The following CIAO2A variants were observed in gnomAD, a reference collection of about 807,000 sequenced individuals.
CIAO2A encodes cytosolic iron-sulfur assembly component 2A.
A neutral mutation model predicts 22.4 loss-of-function variants in CIAO2A; 17 were observed. That is an observed-to-expected ratio of 0.76 (90% confidence interval 0.52 to 1.14). The LOEUF (loss-of-function observed/expected upper bound fraction) is 1.14. Among genes scored for constraint, CIAO2A ranks in the 50% most tolerant of loss-of-function variants. The pLI, the probability that CIAO2A is intolerant of heterozygous loss-of-function variation, is 0.00. For synonymous variants in CIAO2A, 74 were observed against 72.3 expected (o/e 1.02, Z -0.12); for missense variants, 192 against 191.4 (o/e 1.00, Z -0.02).
At chr15:64,083,184 A>G (rs898609306) in intron 2 of CIAO2A, among the ~76,000 whole-genome samples, 2 of 151,180 alleles carry the variant, frequency 1.3e-5, no homozygotes, top group African/African-American at 2.4e-5. Flanking sequence ...GTATAAAAAT[A>G]ATTACTATAA....
intron 2 of CIAO2A, 122 bp from the exon 3 acceptor site, chr15:64,081,273 A>T: frequency 1.3e-6 from 1 of 779,668 alleles, no homozygotes; most frequent in Non-Finnish European, 2.1e-6. Flanking sequence ...GCTTTGGCTC[A>T]ATCCAGAGCA....
chr15:64,079,470 A>T (rs116750876), intron 3 of CIAO2A, among the ~76,000 whole-genome samples: 1,897 of 152,234 alleles, frequency 0.012, 48 homozygotes, highest in African/African-American at 0.044. Context: ...AGGCTGCAGT[A>T]AGCAGTGATC....
intron 2 of CIAO2A, among the ~76,000 whole-genome samples, chr15:64,083,678 C>T (rs2080772739): frequency 1.3e-5 from 2 of 152,182 alleles, no homozygotes; most frequent in Non-Finnish European, 2.9e-5. Flanking sequence ...TGTGGCAGCT[C>T]ACACTTGTAA....
At chr15:64,079,440 A>G (rs1392146413) in intron 3 of CIAO2A, among the ~76,000 whole-genome samples, 1 of 152,216 alleles carries the variant, frequency 6.6e-6, no homozygotes, top group African/African-American at 2.4e-5. Context: ...GCTACTTGGG[A>G]GGCTGAGCCT....
intron 1 of CIAO2A, among the ~76,000 whole-genome samples, chr15:64,092,087 A>T (rs909137026): frequency 5.9e-5 from 9 of 151,598 alleles, no homozygotes; most frequent in African/African-American, 2.2e-4. Flanking sequence ...AAAAAAAAAA[A>T]ATTTAAAAGA....
At position 64,081,082 on chromosome 15, in the gene CIAO2A, C is replaced by A. The variant is rs756121607; in HGVS notation, c.339+20G>T. 8.1e-6 allele frequency: 13 copies of A among 1,609,320 alleles called. No homozygotes were observed. Among genetic ancestry groups the A allele is most frequent in the African/African-American group, 8.0e-5 (6 of 74,740 alleles). On this transcript the variant is annotated intron_variant, in intron 3 of 4. Coordinates refer to ENST00000300030, the MANE Select transcript of CIAO2A (RefSeq NM_032231.7). ...AGCTGTTTTACAACAACAACAACAA[C>A]AAAAATACATCTTTCTTACCTTATG...
intron 2 of CIAO2A, among the ~76,000 whole-genome samples, chr15:64,086,019 T>C (rs2080791800): frequency 6.6e-6 from 1 of 151,904 alleles, no homozygotes; most frequent in East Asian, 1.9e-4. Context: ...CATTCTTTCA[T>C]AATAGCTGGT....
At chr15:64,084,925 T>C (rs901393311) in intron 2 of CIAO2A, among the ~76,000 whole-genome samples, 1 of 151,416 alleles carries the variant, frequency 6.6e-6, no homozygotes, top group Admixed American at 6.6e-5. Context: ...AAACCCCGTC[T>C]CTACTAAAAA....
intron 2 of CIAO2A, among the ~76,000 whole-genome samples, chr15:64,082,547 G>A (rs1183127532): frequency 6.6e-6 from 1 of 151,990 alleles, no homozygotes; most frequent in Non-Finnish European, 1.5e-5. Context: ...CTTGAACACA[G>A]TAGTTCTATA....
At chr15:64,085,857 C>T (rs372420441) in intron 2 of CIAO2A, among the ~76,000 whole-genome samples, 36 of 151,844 alleles carry the variant, frequency 2.4e-4, no homozygotes, top group South Asian at 2.1e-3. Flanking sequence ...TACAGGCGCC[C>T]GCCACCACGC....
intron 3 of CIAO2A, among the ~76,000 whole-genome samples, chr15:64,080,302 C>T (rs1247702242): frequency 2.0e-5 from 3 of 152,118 alleles, no homozygotes; most frequent in African/African-American, 2.4e-5. Flanking sequence ...GCACGAGAAT[C>T]GCTTGAACCC....
At chr15:64,081,590 T>G (rs1158790123) in intron 2 of CIAO2A, among the ~76,000 whole-genome samples, 1 of 143,156 alleles carries the variant, frequency 7.0e-6, no homozygotes, top group Non-Finnish European at 1.5e-5. Context: ...CAGGCTGGAG[T>G]GCAGTGGCAT....
Position 64,093,745 on chromosome 15 carries a change from G to A in CIAO2A, c.24C>T (p.Leu8=), listed in dbSNP as rs773735355. The A allele has an allele frequency of 2.5e-6, 4 of 1,612,468 alleles. No individual in the cohort carries two copies. The highest frequency in any genetic ancestry group is 3.3e-5 in the Admixed American group (2 of 59,978). The part of the protein sequence containing the change: MQRVSGL[L]SWTLSRVLWL... ...ACAGGACTCTGCTCAGCGTCCAGGA[G>A]AGCAGCCCGGACACCCGCTGCATCT... The change falls in exon 1 of 5, where the codon CTC becomes CTT. Residue 8 remains leucine (L), a synonymous_variant. Transcript: ENST00000300030.
intron 4 of CIAO2A, chr15:64,074,273 A>G (rs2080699229): frequency 6.6e-6 from 1 of 152,216 alleles, no homozygotes; most frequent in Non-Finnish European, 1.5e-5. Flanking sequence ...AGACACACAA[A>G]CATACACATA....
intron 3 of CIAO2A, among the ~76,000 whole-genome samples, chr15:64,077,080 A>G (rs1351759632): frequency 1.3e-5 from 2 of 152,172 alleles, no homozygotes; most frequent in Non-Finnish European, 2.9e-5. Context: ...TGGGAGGCCG[A>G]GGCAGGCGGA....
intron 3 of CIAO2A, among the ~76,000 whole-genome samples, chr15:64,075,887 T>G (rs2080713861): frequency 6.6e-6 from 1 of 151,966 alleles, no homozygotes; most frequent in Admixed American, 6.6e-5. Flanking sequence ...GGTCTCAAAC[T>G]CCTGACCTCA....
rs1264277587 is a variant in CIAO2A, at chr15:64,088,815, T to C, written c.161A>G (p.Asn54Ser). The part of the protein sequence containing the change: ...IRTIRDPEKP[N>S]TLEELEVVSE... Reference sequence around the variant, plus strand: ...GACCACTTCCAGTTCTTCTAAAGTATTGGGCTTTTCTGGGTCCCGGATAGT... The same window carrying C: ...GACCACTTCCAGTTCTTCTAAAGTACTGGGCTTTTCTGGGTCCCGGATAGT... Residue 54 changes from asparagine (N) to serine (S), a missense_variant, in exon 2 of 5, where the codon AAT becomes AGT. Physicochemically the swap from Asn to Ser is conservative, Grantham distance 46. Transcript: ENST00000300030. 2 of 1,613,868 alleles carry C rather than the reference T, an allele frequency of 1.2e-6. No homozygotes were observed. Among genetic ancestry groups the C allele is most frequent in the Non-Finnish European group, 1.7e-6 (2 of 1,179,954 alleles).
intron 3 of CIAO2A, among the ~76,000 whole-genome samples, chr15:64,080,879 G>T (rs1441475445): frequency 6.6e-6 from 1 of 152,082 alleles, no homozygotes; most frequent in African/African-American, 2.4e-5. Flanking sequence ...GAAAAGAAAT[G>T]AAAATATATG....
chr15:64,084,186 C>G (rs932241461), intron 2 of CIAO2A, among the ~76,000 whole-genome samples: 2 of 152,008 alleles, frequency 1.3e-5, no homozygotes, highest in Non-Finnish European at 2.9e-5. Flanking sequence ...CTTATTCAAG[C>G]TTTTTCATGT....
Sources: gnomAD v4.1 joint callset for allele counts (sites outside exome capture counted in the v4.1 genomes callset) on GRCh38, gnomAD v4.1.1 for gene constraint, MANE v1.5 for transcripts, NCBI Gene and HGNC (gene_info 2026-07-23, HGNC 2026-07-21) for gene names.